ZNF611: variants seen among roughly 807,000 people sequenced by gnomAD.
ZNF611 encodes zinc finger protein 611.
A neutral mutation model predicts 8.9 loss-of-function variants in ZNF611; 6 were observed. That is an observed-to-expected ratio of 0.68 (90% CI 0.37 to 1.34). ZNF611 has a LOEUF of 1.34. Among genes scored for constraint, ZNF611 ranks in the 40% most tolerant of loss-of-function variants. The probability of loss-of-function intolerance (pLI) is 0.02; values close to 1 mark genes in which losing one functional copy is unlikely to be tolerated. For missense variants in ZNF611, 874 were observed against 841.3 expected (o/e 1.04, Z -0.48); for synonymous variants, 262 against 279.7 (o/e 0.94, Z 0.63).
Position 52,705,080 on chromosome 19 carries a change from A to T in ZNF611, c.1975T>A (p.Phe659Ile), listed in dbSNP as rs746093043. ...SYKCTICDKA[F>I]VRNSLLSRHT... is the part of the protein sequence containing the mutation. ...CTTGACAGGAGTGAATTACGCACGA[A>T]AGCCTTGTCACAAATTGTACATTTG... The change falls in exon 6 of 6, where the codon TTC (phenylalanine) becomes ATC (isoleucine). Residue 659 changes from phenylalanine (F) to isoleucine (I), a missense_variant. Physicochemically the swap from Phe to Ile is conservative, Grantham distance 21 (BLOSUM62 0). Transcript: ENST00000652185. 3.8e-5 allele frequency: 62 copies of T among 1,614,064 alleles called. No individual in the cohort carries two copies. Among genetic ancestry groups the T allele is most frequent in the Non-Finnish European group, 5.0e-5 (59 of 1,180,050 alleles).
intron 3 of ZNF611, among the ~76,000 whole-genome samples, chr19:52,718,110 C>G (rs1475514355): frequency 6.6e-6 from 1 of 151,838 alleles, no homozygotes; most frequent in African/African-American, 2.4e-5. Context: ...TTTGGGAGGC[C>G]AGGGCATGAT....
At chr19:52,712,383 C>T (rs75914665) in intron 5 of ZNF611, among the ~76,000 whole-genome samples, 5,541 of 130,790 alleles carry the variant, frequency 0.042, 212 homozygotes, top group African/African-American at 0.11. Flanking sequence ...ATTAGGAAGA[C>T]GGGTGGGTGG....
At chr19:52,723,077 T>C (rs2062370217) in intron 3 of ZNF611, among the ~76,000 whole-genome samples, 1 of 151,336 alleles carries the variant, frequency 6.6e-6, no homozygotes. Context: ...CTTCCCTCCC[T>C]AATTCTGTGC....
At chr19:52,709,657 T>G (rs1024537817) in intron 5 of ZNF611, among the ~76,000 whole-genome samples, 2 of 152,008 alleles carry the variant, frequency 1.3e-5, no homozygotes, top group Non-Finnish European at 2.9e-5. Context: ...AACCACCGCC[T>G]CGCAGGTTCA....
intron 3 of ZNF611, among the ~76,000 whole-genome samples, chr19:52,722,501 C>G (rs573975027): frequency 1.7e-4 from 26 of 152,300 alleles, no homozygotes; most frequent in Non-Finnish European, 3.2e-4. Context: ...AGGGAAGAAA[C>G]TGACTCACAA....
At chr19:52,714,717 C>CGA (rs2062304525) in intron 4 of ZNF611, among the ~76,000 whole-genome samples, 2 of 49,834 alleles carry the variant, frequency 4.0e-5, no homozygotes, top group Admixed American at 1.8e-4. Context: ...AACAAAAAAA[C>CGA]AATGCCGGGC....
In ZNF611 at chr19:52,706,777, T is replaced by A. The variant is rs749355488; in HGVS notation, c.278A>T (p.His93Leu). Residue 93 changes from histidine to leucine, a missense_variant, in exon 6 of 6, where the codon CAT (histidine) becomes CTT (leucine). Physicochemically the swap from His to Leu is moderately conservative, Grantham distance 99 (BLOSUM62 -3). Transcript: ENST00000652185. ...EVIHTGTLQR[H>L]ESHHIGDFCF... is the part of the protein sequence containing the mutation. ...AAAATCTCCAATGTGATGACTTTCA[T>A]GTCTTTGCAATGTCCCTGTGTGGAT... 2.5e-6 allele frequency: 4 copies of A among 1,614,204 alleles called. No individual in the cohort carries two copies. The highest frequency in any genetic ancestry group is 3.4e-6 in the Non-Finnish European group (4 of 1,180,026).
Position 52,729,492 on chromosome 19 carries a change from CAAAAAAA to C in ZNF611, c.-122+407_-122+413del, listed in dbSNP as rs397859789. 3.5e-3 allele frequency among the ~76,000 whole-genome samples: 149 copies of C among 42,372 alleles called. 4 individuals carry two copies. In the East Asian group the frequency reaches 0.04, roughly 11 times the overall value. 27.8% of individuals were successfully genotyped at this position (42,372 alleles called of 152,430 possible). On this transcript the variant is annotated intron_variant, in intron 2 of 5. Coordinates refer to ENST00000652185, the MANE Select transcript of ZNF611 (RefSeq NM_001161499.2). ...TGGGTGACAGAGCGAGACTCCATCT[CAAAAAAA>C]AAAAAAAAAAAAAAAAAAAGAAAAG...
rs111947845 is a variant in ZNF611, at chr19:52,725,409, G to A, written c.-20+3321C>T. On this transcript the variant is annotated intron_variant, in intron 3 of 5. Coordinates refer to ENST00000652185, the MANE Select transcript of ZNF611 (RefSeq NM_001161499.2). ...ACGGGGGCTGGGAGGCGCCCAGGGC[G>A]GGAATCCAGCGCACGGGTGAGGACT... is the stretch of plus-strand genomic sequence containing the variant. 6.3e-3 allele frequency among the ~76,000 whole-genome samples: 953 copies of A among 152,314 alleles called. 7 individuals are homozygous for A. Among genetic ancestry groups the A allele is most frequent in the African/African-American group, 0.02 (841 of 41,580 alleles).
intron 5 of ZNF611, chr19:52,708,784 C>G (rs1224353067): frequency 6.6e-6 from 1 of 152,046 alleles, no homozygotes; most frequent in Non-Finnish European, 1.5e-5. Context: ...GTGCAGTGAG[C>G]TGAGATCGCA....
In ZNF611 at chr19:52,715,872, T is replaced by C. The variant is rs534416622; in HGVS notation, c.23A>G (p.Gln8Arg). ...GCCTGGCTCCTTTCCTTTCCTCTTCTGAGCTGCTTCCTCACGTAACATGAG... is the reference window on the plus strand; with the variant it reads ...GCCTGGCTCCTTTCCTTTCCTCTTCCGAGCTGCTTCCTCACGTAACATGAG... Reference protein sequence around the residue: MLREEAAQKRKGKEPGMA... With the variant: MLREEAARKRKGKEPGMA... The change falls in exon 4 of 6, where the codon CAG becomes CGG. Residue 8 changes from glutamine (Q) to arginine (R), a missense_variant. Gln to Arg is a conservative substitution (Grantham distance 43). Transcript: ENST00000652185. 6.2e-6 allele frequency: 10 copies of C among 1,613,470 alleles called. No individual in the cohort carries two copies. Among genetic ancestry groups the C allele is most frequent in the Middle Eastern group, 1.7e-4 (1 of 6,054 alleles).
At chr19:52,733,728 C>T (rs1448893628) in intron 1 of ZNF611, among the ~76,000 whole-genome samples, 4 of 148,882 alleles carry the variant, frequency 2.7e-5, no homozygotes, top group Non-Finnish European at 6.0e-5. Flanking sequence ...TCATTTTGTA[C>T]CCCTCTCCTC....
intron 3 of ZNF611, among the ~76,000 whole-genome samples, chr19:52,716,731 T>C (rs185405767): frequency 7.9e-5 from 12 of 152,240 alleles, no homozygotes; most frequent in African/African-American, 2.9e-4. Context: ...CAGATGCATA[T>C]CTGAGTGCCT....
intron 5 of ZNF611, among the ~76,000 whole-genome samples, chr19:52,710,226 ATTTTTTTT>A (rs574509484): frequency 7.5e-6 from 1 of 132,556 alleles, no homozygotes; most frequent in Non-Finnish European, 1.6e-5. Context: ...TGCCTGGCTA[ATTTTTTTT>A]TTTTTTTTTT....
At chr19:52,712,782 A>T (rs1431805028) in intron 5 of ZNF611, among the ~76,000 whole-genome samples, 1 of 152,208 alleles carries the variant, frequency 6.6e-6, no homozygotes, top group Non-Finnish European at 1.5e-5. Context: ...GACTTCACCC[A>T]GCTGACATTA....
At chr19:52,730,399 A>T (rs1170031769) in intron 1 of ZNF611, among the ~76,000 whole-genome samples, 2 of 21,358 alleles carry the variant, frequency 9.4e-5, no homozygotes, top group Middle Eastern at 0.036. Context: ...CTCAAAAAAA[A>T]AAAAAAAAAA....
At chr19:52,726,393 G>C (rs940948230) in intron 3 of ZNF611, among the ~76,000 whole-genome samples, 3 of 152,046 alleles carry the variant, frequency 2.0e-5, no homozygotes, top group Non-Finnish European at 4.4e-5. Context: ...TGTCTCTCTC[G>C]CGCGCTCTTT....
intron 1 of ZNF611, among the ~76,000 whole-genome samples, chr19:52,731,061 A>AT (rs200257033): frequency 1.2e-4 from 18 of 150,344 alleles, no homozygotes; most frequent in Admixed American, 6.6e-5. Context: ...ACCCCTGGCT[A>AT]TTTTTTTTTG....
intron 5 of ZNF611, among the ~76,000 whole-genome samples, chr19:52,709,846 C>T (rs555126119): frequency 2.7e-4 from 41 of 152,256 alleles, no homozygotes; most frequent in Non-Finnish European, 4.0e-4. Context: ...GGATTGCAGG[C>T]GTGAGCCACC....
Sources: allele counts gnomAD v4.1 joint callset (sites outside exome capture counted in the v4.1 genomes callset), GRCh38; gene constraint gnomAD v4.1.1; transcripts MANE v1.5; gene names NCBI Gene and HGNC (gene_info 2026-07-23, HGNC 2026-07-21).